DCAF8L2: variants seen among roughly 807,000 people sequenced by gnomAD.
The protein encoded by DCAF8L2 is DDB1 and CUL4 associated factor 8 like 2.
For synonymous variants in DCAF8L2, 200 were observed against 190.9 expected (o/e 1.05, Z -0.39); for missense variants, 430 against 490.7 (o/e 0.88, Z 1.17).
At chrX:27,597,306 G>A (rs1357690002) in intron 1 of DCAF8L2, among the ~76,000 whole-genome samples, 1 of 111,415 alleles carries the variant, frequency 9.0e-6, no homozygotes, top group African/African-American at 3.3e-5. Flanking sequence ...TTTCAATTCT[G>A]ATTTATTCCT....
At chrX:27,605,727 C>T (rs1926836352) in intron 1 of DCAF8L2, among the ~76,000 whole-genome samples, 1 of 111,586 alleles carries the variant, frequency 9.0e-6, no homozygotes, top group South Asian at 3.7e-4. Flanking sequence ...TCTTGTACTT[C>T]ATTTCAAAAA....
At chrX:27,642,996 G>A (rs181440314) in intron 2 of DCAF8L2, among the ~76,000 whole-genome samples, 109 of 111,785 alleles carry the variant, frequency 9.8e-4, no homozygotes, top group African/African-American at 2.9e-3. Context: ...ATTTTGCTAT[G>A]TATATGCAGA....
At chrX:27,618,537 C>T (rs957501308) in intron 1 of DCAF8L2, among the ~76,000 whole-genome samples, 4 of 111,784 alleles carry the variant, frequency 3.6e-5, no homozygotes, top group African/African-American at 1.3e-4. Context: ...TAGACATAGA[C>T]GCTTCTCCAG....
intron 1 of DCAF8L2, among the ~76,000 whole-genome samples, chrX:27,607,168 A>T (rs777618365): frequency 1.8e-5 from 2 of 112,125 alleles, no homozygotes; most frequent in Non-Finnish European, 3.8e-5. Context: ...TTTATAAATT[A>T]TAACAAAATA....
chrX:27,496,225 A>C, the DCAF8L2 span, among the ~76,000 whole-genome samples: 1 of 111,916 alleles, frequency 8.9e-6, no homozygotes, highest in East Asian at 2.8e-4. Flanking sequence ...ATTATATAGA[A>C]ATGCAATTGA....
intron 3 of DCAF8L2, among the ~76,000 whole-genome samples, chrX:27,680,200 C>T (rs747247009): frequency 1.8e-5 from 2 of 111,195 alleles, no homozygotes; most frequent in Non-Finnish European, 3.8e-5. Flanking sequence ...TGTCAGGGTC[C>T]CTATGGACTG....
chrX:27,629,257 G>C (rs751331807), intron 1 of DCAF8L2, among the ~76,000 whole-genome samples: 20 of 111,333 alleles, frequency 1.8e-4, no homozygotes, highest in Non-Finnish European at 3.8e-4. Flanking sequence ...CTGTGCTTTT[G>C]GTGTCATAGC....
At chrX:27,520,425 A>T in the DCAF8L2 span, among the ~76,000 whole-genome samples, 1 of 112,064 alleles carries the variant, frequency 8.9e-6, no homozygotes. Flanking sequence ...ATCAATGGCA[A>T]GTGCAGAACT....
At chrX:27,572,974 G>GT in the DCAF8L2 span, among the ~76,000 whole-genome samples, 6 of 110,851 alleles carry the variant, frequency 5.4e-5, no homozygotes, top group Admixed American at 3.9e-4. Context: ...ATCTTTCCCA[G>GT]TGTTACTACA....
At chrX:27,653,725 T>C (rs866009373) in intron 2 of DCAF8L2, among the ~76,000 whole-genome samples, 10 of 92,079 alleles carry the variant, frequency 1.1e-4, no homozygotes, top group African/African-American at 3.2e-4. Context: ...CAGATATGTA[T>C]ACACACACAC....
At chrX:27,635,921 C>T (rs1320425697) in intron 2 of DCAF8L2, among the ~76,000 whole-genome samples, 8 of 108,852 alleles carry the variant, frequency 7.3e-5, no homozygotes, top group African/African-American at 2.7e-4. Context: ...AAGCGATTCT[C>T]CTGCCTCAGC....
intron 2 of DCAF8L2, among the ~76,000 whole-genome samples, chrX:27,661,412 G>A (rs1179572744): frequency 3.6e-5 from 4 of 111,357 alleles, no homozygotes; most frequent in African/African-American, 1.3e-4. Context: ...TGTGGTTATC[G>A]ATCTGTCGTT....
chrX:27,670,648 T>G (rs985420475), intron 2 of DCAF8L2, among the ~76,000 whole-genome samples: 1 of 111,346 alleles, frequency 9.0e-6, no homozygotes, highest in Non-Finnish European at 1.9e-5. Context: ...ACAAGTCTTA[T>G]GTTGAAATCT....
the DCAF8L2 span, among the ~76,000 whole-genome samples, chrX:27,554,126 G>A: frequency 8.9e-6 from 1 of 111,941 alleles, no homozygotes. Flanking sequence ...GAAACCATAT[G>A]TAGCTCTCAG....
At chrX:27,552,367 T>C in the DCAF8L2 span, among the ~76,000 whole-genome samples, 1 of 111,701 alleles carries the variant, frequency 9.0e-6, no homozygotes, top group Non-Finnish European at 1.9e-5. Flanking sequence ...AAAAAAATCC[T>C]TGCTCAGACA....
chrX:27,471,783 C>T, the DCAF8L2 span, among the ~76,000 whole-genome samples: 7 of 111,475 alleles, frequency 6.3e-5, no homozygotes, highest in Admixed American at 2.9e-4. Context: ...AGATAGGTCT[C>T]GGCCCATCTT....
chrX:27,721,005 AT>A (rs1931884233), intron 4 of DCAF8L2, among the ~76,000 whole-genome samples: 1 of 111,770 alleles, frequency 8.9e-6, no homozygotes, highest in African/African-American at 3.2e-5. Context: ...TGGTCTTTGT[AT>A]TTGTATTGTA....
the DCAF8L2 span, among the ~76,000 whole-genome samples, chrX:27,534,108 G>A: frequency 9.0e-6 from 1 of 110,792 alleles, no homozygotes; most frequent in South Asian, 3.8e-4. Flanking sequence ...CTCCTGGGGA[G>A]GCTGAGACAG....
At chrX:27,732,048 C>T (rs1293685041) in intron 4 of DCAF8L2, among the ~76,000 whole-genome samples, 2 of 110,995 alleles carry the variant, frequency 1.8e-5, no homozygotes, top group African/African-American at 3.3e-5. Flanking sequence ...TATAACATGA[C>T]GTTTTGATCT....
Sources: allele counts gnomAD v4.1 joint callset (sites outside exome capture counted in the v4.1 genomes callset), GRCh38; gene constraint gnomAD v4.1.1; transcripts MANE v1.5; gene names NCBI Gene and HGNC (gene_info 2026-07-23, HGNC 2026-07-21).